The following OSBPL9 variants were observed in gnomAD, a reference collection of about 807,000 sequenced individuals.
OSBPL9 encodes oxysterol-binding protein-related protein 9.
OSBPL9 carries 40 observed loss-of-function variants against 106.6 expected under a neutral mutation model. The observed-to-expected ratio is 0.38, with a 90% CI of 0.29 to 0.49. The LOEUF is 0.49. Among genes scored for constraint, OSBPL9 ranks in the 20% least tolerant of loss-of-function variants. OSBPL9 has a pLI of 0.97. For synonymous variants in OSBPL9, 269 were observed against 295.4 expected (o/e 0.91, Z 0.92); for missense variants, 609 against 887.2 (o/e 0.69, Z 3.98).
the OSBPL9 span, among the ~76,000 whole-genome samples, chr1:51,524,879 G>A: frequency 6.6e-6 from 1 of 152,230 alleles, no homozygotes; most frequent in Non-Finnish European, 1.5e-5. Flanking sequence ...ACTCATGGCT[G>A]CAGGTTCTTT....
chr1:51,687,230 C>G (rs571135008), intron 3 of OSBPL9, among the ~76,000 whole-genome samples: 4 of 152,262 alleles, frequency 2.6e-5, no homozygotes, highest in African/African-American at 9.6e-5. Context: ...TGATGGAGTG[C>G]TATTCAGGGG....
In OSBPL9 at chr1:51,782,699, G is replaced by A. The variant is rs966486277; in HGVS notation, c.1513+56G>A. On this transcript the variant is annotated intron_variant, in intron 17 of 23. Transcript: ENST00000428468. Reference sequence around the variant, plus strand: ...CTCTCAAAACTATTCTGTCTAAAGAGGGTCATTAAAAGCGCCATAGCTGAG... The same window carrying A: ...CTCTCAAAACTATTCTGTCTAAAGAAGGTCATTAAAAGCGCCATAGCTGAG... The A allele has an allele frequency of 8.5e-6, 13 of 1,523,302 alleles. No individual in the cohort carries two copies. The Admixed American group carries it at 2.3e-4, about 26-fold the overall frequency. 94.4% of individuals were successfully genotyped at this position (1,523,302 alleles called of 1,614,324 possible).
chr1:51,558,104 C>T, the OSBPL9 span, among the ~76,000 whole-genome samples: 2 of 152,234 alleles, frequency 1.3e-5, no homozygotes, highest in South Asian at 4.1e-4. Context: ...CACGGTGAAA[C>T]CCCCTCTCTA....
chr1:51,545,030 G>A, the OSBPL9 span, among the ~76,000 whole-genome samples: 2 of 151,886 alleles, frequency 1.3e-5, no homozygotes, highest in African/African-American at 2.4e-5. Context: ...TTTTAGTAGA[G>A]ACAGGGTTTC....
At chr1:51,649,560 C>T (rs1181064650) in intron 1 of OSBPL9, among the ~76,000 whole-genome samples, 2 of 152,080 alleles carry the variant, frequency 1.3e-5, no homozygotes, top group African/African-American at 4.8e-5. Flanking sequence ...ACTACCTTCC[C>T]TTTCTTTTTA....
At chr1:51,610,335 C>G (rs1205785648) in intron 2 of OSBPL9, among the ~76,000 whole-genome samples, 1 of 152,048 alleles carries the variant, frequency 6.6e-6, no homozygotes, top group Non-Finnish European at 1.5e-5. Context: ...AATCTCTGCT[C>G]ACTGCAACCT....
intron 5 of OSBPL9, 109 bp from the exon 6 acceptor site, chr1:51,746,601 C>T: frequency 1.4e-6 from 1 of 703,538 alleles, no homozygotes. Context: ...TATAAATCAT[C>T]CCTGGACAAA....
Position 51,669,747 on chromosome 1 carries a change from A to C in OSBPL9, c.241+235A>C, listed in dbSNP as rs1216686362. ...GGCTGCAGTTGGAGATGAAAATTTT[A>C]AAGGATAAAAATCAGTGAAGGGAGA... On this transcript the variant is annotated intron_variant, in intron 3 of 23. Transcript: ENST00000428468. The C allele has an allele frequency of 1.5e-5, 9 of 620,536 alleles. No individual in the cohort carries two copies. The Admixed American group carries it at 1.9e-4, about 13-fold the overall frequency. 38.4% of individuals were successfully genotyped at this position (620,536 alleles called of 1,614,324 possible).
At chr1:51,673,671 A>G (rs1181187755) in intron 3 of OSBPL9, among the ~76,000 whole-genome samples, 1 of 152,186 alleles carries the variant, frequency 6.6e-6, no homozygotes, top group Non-Finnish European at 1.5e-5. Context: ...TAAAGCAGTG[A>G]TAATAGGGAG....
intron 4 of OSBPL9, chr1:51,730,196 G>A: frequency 2.5e-6 from 3 of 1,222,316 alleles, no homozygotes; most frequent in East Asian, 3.2e-5. Flanking sequence ...TAGATGGGGT[G>A]GAGGCTGAGG....
intron 3 of OSBPL9, among the ~76,000 whole-genome samples, chr1:51,688,095 T>G (rs1654213378): frequency 6.6e-6 from 1 of 151,734 alleles, no homozygotes. Flanking sequence ...TCTGTGGGAG[T>G]TTTTAGGTAG....
chr1:51,676,670 A>C (rs945029839), intron 3 of OSBPL9, among the ~76,000 whole-genome samples: 4 of 151,862 alleles, frequency 2.6e-5, no homozygotes, highest in Non-Finnish European at 4.4e-5. Context: ...AAAAAAAAAA[A>C]AAAAAAAAAT....
chr1:51,617,369 AC>A, intron 1 of OSBPL9, 148 bp downstream of exon 1: 1 of 775,568 alleles, frequency 1.3e-6, no homozygotes, highest in Non-Finnish European at 2.0e-6. Context: ...GGAGGGTTTT[AC>A]GTCTCGGATA....
At chr1:51,551,113 A>G in the OSBPL9 span, among the ~76,000 whole-genome samples, 69 of 152,206 alleles carry the variant, frequency 4.5e-4, no homozygotes, top group Non-Finnish European at 7.8e-4. Context: ...AGGGAGCGGG[A>G]TGGAAATACA....
upstream of OSBPL9, among the ~76,000 whole-genome samples, chr1:51,572,658 C>T (rs995990088): frequency 2.0e-5 from 3 of 152,154 alleles, no homozygotes; most frequent in African/African-American, 7.2e-5. Context: ...CTCTTGCCAG[C>T]TGTGTATATA....
the OSBPL9 span, among the ~76,000 whole-genome samples, chr1:51,550,181 T>A: frequency 1.3e-5 from 2 of 152,314 alleles, no homozygotes; most frequent in South Asian, 4.1e-4. Flanking sequence ...GAGGATTAGA[T>A]GAGCACATTG....
At chr1:51,595,111 G>A (rs1645293382) in intron 1 of OSBPL9, among the ~76,000 whole-genome samples, 1 of 152,306 alleles carries the variant, frequency 6.6e-6, no homozygotes, top group South Asian at 2.1e-4. Context: ...TTCGAGGCCT[G>A]GGGGTAGTGA....
At chr1:51,758,495 A>G (rs562132970) in intron 9 of OSBPL9, among the ~76,000 whole-genome samples, 23 of 152,018 alleles carry the variant, frequency 1.5e-4, no homozygotes, top group Admixed American at 1.2e-3. Context: ...ACGGCATTTA[A>G]CAAGAGTGAC....
chr1:51,751,285 A>G lies in OSBPL9; in HGVS notation c.543+1090A>G, dbSNP rs149322831. On this transcript the variant is annotated intron_variant, in intron 8 of 23. Transcript: ENST00000428468. Reference sequence around the variant, plus strand: ...TATTTTTAGTAGAGATGGGGGTTTCACCATGTTACCCAGGCTGGTCTGAAC... The same window carrying G: ...TATTTTTAGTAGAGATGGGGGTTTCGCCATGTTACCCAGGCTGGTCTGAAC... Among the ~76,000 whole-genome samples, 968 of 151,958 alleles carry G rather than the reference A, an allele frequency of 6.4e-3. 7 individuals are homozygous for G. Among genetic ancestry groups the G allele is most frequent in the Non-Finnish European group, 0.011 (756 of 67,936 alleles).
Sources: gnomAD v4.1 joint callset for allele counts (sites outside exome capture counted in the v4.1 genomes callset) on GRCh38, gnomAD v4.1.1 for gene constraint, MANE v1.5 for transcripts, NCBI Gene and HGNC (gene_info 2026-07-23, HGNC 2026-07-21) for gene names.